Variants in HYCC2 observed in about 807,000 individuals in gnomAD.
The protein encoded by HYCC2 is hyccin PI4KA lipid kinase complex subunit 2.
chr2:201,017,532 AT>A, the HYCC2 span, among the ~76,000 whole-genome samples: 3 of 152,182 alleles, frequency 2.0e-5, no homozygotes, highest in Non-Finnish European at 4.4e-5. Context: ...AAATAAAATA[AT>A]TTTGCATAAT....
the HYCC2 span, among the ~76,000 whole-genome samples, chr2:201,036,235 AT>A: frequency 6.6e-6 from 1 of 152,234 alleles, no homozygotes; most frequent in Admixed American, 6.5e-5. Flanking sequence ...AGGCTCTGAA[AT>A]TGAGGCAATA....
At chr2:201,001,864 G>T in the HYCC2 span, among the ~76,000 whole-genome samples, 1 of 151,826 alleles carries the variant, frequency 6.6e-6, no homozygotes, top group Non-Finnish European at 1.5e-5. Context: ...TAGAGACAGG[G>T]TCTCACCATG....
the HYCC2 span, among the ~76,000 whole-genome samples, chr2:200,989,127 G>A: frequency 3.3e-5 from 5 of 152,038 alleles, no homozygotes; most frequent in East Asian, 1.9e-4. Flanking sequence ...CCCCATCTAC[G>A]AACTATTTTT....
chr2:201,011,553 T>C, the HYCC2 span: 8 of 766,970 alleles, frequency 1.0e-5, no homozygotes, highest in Middle Eastern at 3.6e-4. Flanking sequence ...ATTTACAGAA[T>C]ATATGATTGG....
At chr2:201,063,958 C>T in the HYCC2 span, 30 of 1,597,434 alleles carry the variant, frequency 1.9e-5, no homozygotes, top group Middle Eastern at 2.0e-4. Context: ...GCCCCTATGG[C>T]GGTGGAGGCC....
chr2:201,039,128 T>C, the HYCC2 span, among the ~76,000 whole-genome samples: 1 of 152,342 alleles, frequency 6.6e-6, no homozygotes, highest in African/African-American at 2.4e-5. Flanking sequence ...CCCTATATAC[T>C]TTAATCAGCT....
At chr2:201,035,816 T>A in the HYCC2 span, among the ~76,000 whole-genome samples, 1 of 152,186 alleles carries the variant, frequency 6.6e-6, no homozygotes, top group Non-Finnish European at 1.5e-5. Flanking sequence ...ATTTTCCTTC[T>A]AATAGTCAGG....
chr2:201,063,176 C>T, the HYCC2 span: 2 of 1,609,976 alleles, frequency 1.2e-6, no homozygotes, highest in East Asian at 2.2e-5. Flanking sequence ...CGATGAGAGC[C>T]TGAGGAGCCA....
chr2:200,981,549 TGGCACCACCTG>T, the HYCC2 span: 1 of 1,614,230 alleles, frequency 6.2e-7, no homozygotes, highest in South Asian at 1.1e-5. This position sits in a 1 kb window ranked among gnomAD's most constrained non-coding sequence, Gnocchi z 4.5. Context: ...TATTGATTTT[TGGCACCACCTG>T]GCCAGCAGGC....
chr2:201,061,562 T>C, the HYCC2 span: 1 of 151,982 alleles, frequency 6.6e-6, no homozygotes, highest in Non-Finnish European at 1.5e-5. Context: ...ACTTTTCTAT[T>C]TATACTTCAT....
At chr2:201,059,571 C>T in the HYCC2 span, among the ~76,000 whole-genome samples, 35 of 152,240 alleles carry the variant, frequency 2.3e-4, no homozygotes, top group Non-Finnish European at 3.2e-4. Context: ...GGAAAAAACC[C>T]TTTCCTTTCC....
At chr2:201,069,937 T>A in the HYCC2 span, among the ~76,000 whole-genome samples, 1 of 152,200 alleles carries the variant, frequency 6.6e-6, no homozygotes, top group African/African-American at 2.4e-5. Context: ...TTATAAAGTT[T>A]TTCTGACATG....
At chr2:200,988,678 T>C in the HYCC2 span, among the ~76,000 whole-genome samples, 1 of 152,180 alleles carries the variant, frequency 6.6e-6, no homozygotes, top group African/African-American at 2.4e-5. Flanking sequence ...AATTAACATA[T>C]AAACTCTGAT....
the HYCC2 span, among the ~76,000 whole-genome samples, chr2:200,990,398 AT>A: frequency 6.0e-5 from 9 of 150,430 alleles, no homozygotes; most frequent in Non-Finnish European, 1.0e-4. Context: ...GGATATTTAC[AT>A]TTTTTTTTGT....
At chr2:200,997,457 C>T in the HYCC2 span, 25 of 1,604,956 alleles carry the variant, frequency 1.6e-5, no homozygotes, top group East Asian at 6.7e-5. Flanking sequence ...GGAACCCATC[C>T]GACAAAGAGA....
the HYCC2 span, among the ~76,000 whole-genome samples, chr2:201,012,893 C>T: frequency 6.6e-6 from 1 of 150,534 alleles, no homozygotes; most frequent in Non-Finnish European, 1.5e-5. Flanking sequence ...TGCAGTGAGC[C>T]GAGATCACAC....
chr2:201,012,278 G>T, the HYCC2 span, among the ~76,000 whole-genome samples: 1 of 152,096 alleles, frequency 6.6e-6, no homozygotes, highest in Non-Finnish European at 1.5e-5. Context: ...TAGGCAACAT[G>T]GCAAAACCCC....
At chr2:201,054,292 G>A in the HYCC2 span, among the ~76,000 whole-genome samples, 1 of 152,282 alleles carries the variant, frequency 6.6e-6, no homozygotes, top group Admixed American at 6.5e-5. Flanking sequence ...CATTCCATAT[G>A]CCTTTCGCTT....
the HYCC2 span, among the ~76,000 whole-genome samples, chr2:201,039,949 C>A: frequency 6.6e-6 from 1 of 152,010 alleles, no homozygotes; most frequent in Non-Finnish European, 1.5e-5. Flanking sequence ...CCGAGGTGGG[C>A]AGATCACAAG....
Sources: gnomAD v4.1 joint callset for allele counts (sites outside exome capture counted in the v4.1 genomes callset) on GRCh38, gnomAD v4.1.1 for gene constraint, Gnocchi (gnomAD v3.1) non-coding constraint, MANE v1.5 for transcripts, NCBI Gene and HGNC (gene_info 2026-07-23, HGNC 2026-07-21) for gene names.